CEP70: variants seen among roughly 807,000 people sequenced by gnomAD.
CEP70 encodes centrosomal protein of 70 kDa.
A neutral mutation model predicts 90.9 loss-of-function variants in CEP70; 70 were observed. That is an observed-to-expected ratio of 0.77 (90% CI 0.64 to 0.94). The LOEUF is 0.94. Ranked by LOEUF, CEP70 falls within the 40% of genes least tolerant of loss-of-function variation. CEP70 has a pLI of 0.00. For synonymous variants in CEP70, 220 were observed against 228.3 expected, an observed-to-expected ratio of 0.96 and a Z score of 0.33; for missense variants, 648 against 669.0, an observed-to-expected ratio of 0.97 and a Z score of 0.35.
intron 10 of CEP70, among the ~76,000 whole-genome samples, chr3:138,528,973 C>A (rs920909971): frequency 6.6e-6 from 1 of 152,134 alleles, no homozygotes; most frequent in Admixed American, 6.5e-5. Flanking sequence ...GCCTGGGTGA[C>A]AGAGTAAGAC....
chr3:138,503,200 T>A (rs185895093), intron 13 of CEP70, among the ~76,000 whole-genome samples: 23 of 152,298 alleles, frequency 1.5e-4, no homozygotes, highest in Non-Finnish European at 3.2e-4. Flanking sequence ...CCCTCCTCCC[T>A]CTAGCCATCA....
Position 138,505,454 on chromosome 3 carries a change from G to A in CEP70, c.1062C>T (p.Ser354=), listed in dbSNP as rs762121746. The A allele has an allele frequency of 5.6e-6, 9 of 1,595,920 alleles. No homozygotes were observed. In the Admixed American group the frequency reaches 1.4e-4, roughly 25 times the overall value. Reference sequence around the variant, plus strand: ...TTGGATTGTGGATAATTGAATTGATGCTACACAGCACCTTTAAAAAAACAT... The same window carrying A: ...TTGGATTGTGGATAATTGAATTGATACTACACAGCACCTTTAAAAAAACAT... ...IDQRYFQVLC[S]INSIIHNPRA... Residue 354 remains serine (S), a synonymous_variant, in exon 13 of 18, where the codon AGC becomes AGT. Transcript: ENST00000264982.
At position 138,570,368 on chromosome 3, in the gene CEP70, G is replaced by C. The variant is rs765171389; in HGVS notation, c.415C>G (p.His139Asp). Reference sequence around the variant, plus strand: ...AGATCTTTTATTTTATTCTGTTGGTGGCAAGCCCTACTTAGTGATTCATCC... The same window carrying C: ...AGATCTTTTATTTTATTCTGTTGGTCGCAAGCCCTACTTAGTGATTCATCC... ...LEDESLSRAC[H>D]QQNKIKDLQK... The change falls in exon 6 of 18, where the codon CAC (histidine) becomes GAC (aspartate). Residue 139 changes from histidine (H) to aspartate (D), a missense_variant. By Grantham distance (81) the His-to-Asp change is moderately conservative (BLOSUM62 -1). Transcript: ENST00000264982. The C allele has an allele frequency of 6.2e-7, 1 of 1,601,764 alleles. No homozygotes were observed. The highest frequency in any genetic ancestry group is 1.1e-5 in the South Asian group (1 of 88,148).
In CEP70 at chr3:138,525,565, C is replaced by A; in HGVS notation, c.870-1G>T. 1 of 1,330,432 alleles carries A rather than the reference C, an allele frequency of 7.5e-7. No individual in the cohort carries two copies. The highest frequency in any genetic ancestry group is 9.9e-7 in the Non-Finnish European group (1 of 1,012,140). 82.4% of individuals were successfully genotyped at this position (1,330,432 alleles called of 1,614,324 possible). A position where few individuals can be genotyped will look rare whatever the true frequency, so the allele number is the denominator to read the frequency against. On this transcript the variant is annotated splice_acceptor_variant, in intron 10 of 17. Transcript: ENST00000264982. LOFTEE classifies it high-confidence loss of function. Reference sequence around the variant, plus strand: ...AAGTCTTAATTCATGCTGCGTAGGCCTGTGGAAAATAAATAATGATAAATT... The same window carrying A: ...AAGTCTTAATTCATGCTGCGTAGGCATGTGGAAAATAAATAATGATAAATT...
chr3:138,508,673 G>C (rs749345949), intron 11 of CEP70, 129 bp from the exon 12 acceptor site: 14 of 661,742 alleles, frequency 2.1e-5, no homozygotes, highest in Non-Finnish European at 3.3e-5. Context: ...ATGTGTGTGT[G>C]CACACATGTA....
At chr3:138,529,073 G>A (rs2037557778) in intron 10 of CEP70, 126 bp downstream of exon 10, 3 of 592,466 alleles carry the variant, frequency 5.1e-6, no homozygotes, top group Non-Finnish European at 8.9e-6. Flanking sequence ...GGCTGAAGTG[G>A]AAAGATTGCT....
At chr3:138,524,376 G>A (rs1381719274) in intron 11 of CEP70, among the ~76,000 whole-genome samples, 1 of 152,008 alleles carries the variant, frequency 6.6e-6, no homozygotes, top group Non-Finnish European at 1.5e-5. Flanking sequence ...TTGACAAATG[G>A]GATCTAATTA....
chr3:138,546,526 A>T (rs879123582), intron 6 of CEP70, among the ~76,000 whole-genome samples: 2 of 152,124 alleles, frequency 1.3e-5, no homozygotes, highest in Admixed American at 1.3e-4. Flanking sequence ...AGGTGGGCAG[A>T]TCCCTTGAGG....
chr3:138,511,316 T>C (rs2108735267), intron 11 of CEP70, among the ~76,000 whole-genome samples: 1 of 152,362 alleles, frequency 6.6e-6, no homozygotes, highest in South Asian at 2.1e-4. Context: ...CAAGCCAAAT[T>C]ATAAATGACT....
intron 6 of CEP70, among the ~76,000 whole-genome samples, chr3:138,543,465 G>A (rs1226469538): frequency 6.6e-6 from 1 of 152,228 alleles, no homozygotes; most frequent in East Asian, 1.9e-4. Context: ...GAGAGGCCAG[G>A]CAGTGGGAGC....
At chr3:138,568,435 C>T (rs2040933064) in intron 6 of CEP70, among the ~76,000 whole-genome samples, 1 of 152,088 alleles carries the variant, frequency 6.6e-6, no homozygotes, top group South Asian at 2.1e-4. Flanking sequence ...TATCTTCCCC[C>T]AACAAAGACC....
At chr3:138,520,649 C>A (rs1346126427) in intron 11 of CEP70, among the ~76,000 whole-genome samples, 1 of 152,162 alleles carries the variant, frequency 6.6e-6, no homozygotes, top group Non-Finnish European at 1.5e-5. Flanking sequence ...AACAAAGACA[C>A]AATATACCAG....
In CEP70 at chr3:138,525,534, T is replaced by C. The variant is rs772399583; in HGVS notation, c.900A>G (p.Lys300=). 1 of 1,420,140 alleles carries C rather than the reference T, an allele frequency of 7.0e-7. No homozygotes were observed. The highest frequency in any genetic ancestry group is 1.9e-5 in the South Asian group (1 of 51,502). 88.0% of individuals were successfully genotyped at this position (1,420,140 alleles called of 1,614,324 possible). Residue 300 remains lysine, a synonymous_variant, in exon 11 of 18, where the codon AAA becomes AAG. Transcript: ENST00000264982. ...CTTTTTCCAGCTTCTTCACCTGCTG[T>C]TTATAAAGTCTTAATTCATGCTGCG... The part of the protein sequence containing the change: ...RPTQHELRLY[K]QQVKKLEKAL...
intron 7 of CEP70, 151 bp downstream of exon 7, chr3:138,537,027 A>T: frequency 2.5e-6 from 1 of 408,046 alleles, no homozygotes; most frequent in East Asian, 3.6e-5. Flanking sequence ...AAAGAACAGG[A>T]TGAGCAGGGA....
chr3:138,575,789 C>T (rs948003173), intron 2 of CEP70, among the ~76,000 whole-genome samples: 19 of 152,150 alleles, frequency 1.2e-4, no homozygotes, highest in African/African-American at 4.6e-4. Flanking sequence ...AGAGTGGGGG[C>T]CAATATTCAA....
chr3:138,542,127 G>A (rs2038818089), intron 6 of CEP70, among the ~76,000 whole-genome samples: 1 of 152,206 alleles, frequency 6.6e-6, no homozygotes, highest in Non-Finnish European at 1.5e-5. Context: ...TGAGGGGTGT[G>A]TGAGTTAGCA....
At chr3:138,560,869 G>C (rs532675016) in intron 6 of CEP70, among the ~76,000 whole-genome samples, 1 of 152,296 alleles carries the variant, frequency 6.6e-6, no homozygotes, top group South Asian at 2.1e-4. Context: ...AGCAGCCCCA[G>C]TCAGGGGCTT....
chr3:138,546,463 T>C (rs2039210489), intron 6 of CEP70, among the ~76,000 whole-genome samples: 1 of 152,142 alleles, frequency 6.6e-6, no homozygotes, highest in Non-Finnish European at 1.5e-5. Context: ...AAAAGCACTA[T>C]CATAGCCAGA....
intron 6 of CEP70, among the ~76,000 whole-genome samples, chr3:138,541,346 T>C (rs1156679729): frequency 6.6e-6 from 1 of 151,222 alleles, no homozygotes; most frequent in Non-Finnish European, 1.5e-5. Flanking sequence ...AATAGAATCC[T>C]CAGCAGAAAG....
Sources: gnomAD v4.1 joint callset for allele counts (sites outside exome capture counted in the v4.1 genomes callset) on GRCh38, gnomAD v4.1.1 for gene constraint, MANE v1.5 for transcripts, NCBI Gene and HGNC (gene_info 2026-07-23, HGNC 2026-07-21) for gene names.